The following PCSK5 variants were observed in gnomAD, a reference collection of about 807,000 sequenced individuals.
PCSK5 encodes proprotein convertase subtilisin/kexin type 5.
Under a neutral mutation model 233.2 loss-of-function variants are expected in PCSK5, and 129 were observed. The observed-to-expected ratio is 0.55, with a 90% CI of 0.48 to 0.64. PCSK5 has a LOEUF of 0.64. Among genes scored for constraint, PCSK5 ranks in the 30% least tolerant of loss-of-function variants. The pLI is 0.00. For missense variants in PCSK5, 2,076 were observed against 2,430.1 expected (o/e 0.85, Z 3.06); for synonymous variants, 825 against 879.2 (o/e 0.94, Z 1.09).
intron 2 of PCSK5, among the ~76,000 whole-genome samples, chr9:75,978,496 C>T (rs1022658726): frequency 6.6e-6 from 1 of 152,176 alleles, no homozygotes; most frequent in Non-Finnish European, 1.5e-5. Context: ...TGGTAGTCCT[C>T]TACCATGAAC....
At chr9:76,342,383 T>A (rs372824966) in intron 35 of PCSK5, among the ~76,000 whole-genome samples, 6 of 151,422 alleles carry the variant, frequency 4.0e-5, no homozygotes, top group South Asian at 2.1e-4. Context: ...TCTAATCCTC[T>A]TTTTTTTTCC....
chr9:76,273,000 G>A (rs190976720), intron 24 of PCSK5, among the ~76,000 whole-genome samples: 282 of 151,648 alleles, frequency 1.9e-3, no homozygotes, highest in African/African-American at 5.9e-3. Flanking sequence ...TTTTTAAGAC[G>A]GGGGCAACTA....
chr9:76,168,158 GTTTA>G (rs1266818724), intron 12 of PCSK5, among the ~76,000 whole-genome samples: 1 of 152,064 alleles, frequency 6.6e-6, no homozygotes, highest in Non-Finnish European at 1.5e-5. Context: ...TAAGTGATGT[GTTTA>G]TTTATTTGAG....
At chr9:76,154,423 G>A (rs1823799248) in intron 10 of PCSK5, among the ~76,000 whole-genome samples, 1 of 152,124 alleles carries the variant, frequency 6.6e-6, no homozygotes, top group Admixed American at 6.5e-5. Flanking sequence ...TGGTTGTTAG[G>A]TGGACAGTTC....
intron 5 of PCSK5, among the ~76,000 whole-genome samples, chr9:76,041,616 C>T (rs771729179): frequency 5.9e-5 from 9 of 151,856 alleles, no homozygotes; most frequent in South Asian, 4.2e-4. Context: ...CCAAGGCGGG[C>T]GGATCACGAG....
intron 3 of PCSK5, among the ~76,000 whole-genome samples, chr9:76,000,434 C>T (rs1214103244): frequency 6.6e-6 from 1 of 152,120 alleles, no homozygotes; most frequent in African/African-American, 2.4e-5. Context: ...TAGCAGCTGC[C>T]ATCACCTAGA....
intron 10 of PCSK5, among the ~76,000 whole-genome samples, chr9:76,145,928 T>G (rs543358134): frequency 1.3e-5 from 2 of 152,330 alleles, no homozygotes; most frequent in African/African-American, 4.8e-5. Context: ...GTTCTATGCA[T>G]GACTTCCAAG....
intron 1 of PCSK5, among the ~76,000 whole-genome samples, chr9:75,900,056 C>T (rs969652674): frequency 2.0e-5 from 3 of 152,160 alleles, no homozygotes; most frequent in African/African-American, 7.2e-5. Flanking sequence ...AGTAGAGAAA[C>T]GGAGTACAAC....
intron 2 of PCSK5, 82 bp downstream of exon 2, chr9:75,932,565 C>A (rs905151468): frequency 2.4e-6 from 2 of 819,760 alleles, no homozygotes; most frequent in Non-Finnish European, 4.2e-6. Context: ...GGGCTGAGGA[C>A]CAGCATGAAG....
chr9:76,044,712 A>C (rs1409217711), intron 5 of PCSK5, among the ~76,000 whole-genome samples: 1 of 152,206 alleles, frequency 6.6e-6, no homozygotes, highest in South Asian at 2.1e-4. Context: ...AAGTTAAATG[A>C]ATTATTGACA....
chr9:76,222,069 T>C (rs10869736), intron 20 of PCSK5, among the ~76,000 whole-genome samples: 41,963 of 152,116 alleles, frequency 0.28, 6,849 homozygotes, highest in East Asian at 0.66. Flanking sequence ...CTGTCTTTAG[T>C]GCATCCTTGA....
intron 1 of PCSK5, among the ~76,000 whole-genome samples, chr9:75,921,540 A>G (rs1823259660): frequency 6.6e-6 from 1 of 151,962 alleles, no homozygotes; most frequent in Non-Finnish European, 1.5e-5. Context: ...TCTTTCTCTC[A>G]GCCTCTCTTG....
chr9:75,894,045 G>A (rs1168191282), intron 1 of PCSK5, among the ~76,000 whole-genome samples: 1 of 152,174 alleles, frequency 6.6e-6, no homozygotes, highest in Non-Finnish European at 1.5e-5. Flanking sequence ...ACCAGCTGTG[G>A]ATCAGCTGAG....
At position 76,184,665 on chromosome 9, in the gene PCSK5, T is replaced by G; in HGVS notation, c.2198-8T>G. The stretch of plus-strand genomic sequence containing the variant: ...AACTGATTTACAACTTTCTCTTTTT[T>G]TTAACAGAGAAAAATCTTTGCCGGA... On this transcript the variant is annotated splice_polypyrimidine_tract_variant and splice_region_variant and intron_variant, in intron 16 of 37. Coordinates refer to ENST00000674117, the MANE Select transcript of PCSK5 (RefSeq NM_001372043.1). The G allele has an allele frequency of 6.3e-7, 1 of 1,589,316 alleles. No homozygotes were observed. The highest frequency in any genetic ancestry group is 8.6e-7 in the Non-Finnish European group (1 of 1,159,944).
At chr9:76,097,767 G>A (rs1054816361) in intron 8 of PCSK5, among the ~76,000 whole-genome samples, 4 of 152,212 alleles carry the variant, frequency 2.6e-5, no homozygotes, top group South Asian at 2.1e-4. Flanking sequence ...CACAGTACCC[G>A]GCCCTTCAGT....
Position 76,206,748 on chromosome 9 carries a change from G to C in PCSK5, c.2626+17002G>C, listed in dbSNP as rs1194127506. ...AAACCACACAGCTAATAATGGCAGA[G>C]CTCCAGAGTTAGGACAATGCACCTG... is the stretch of plus-strand genomic sequence containing the variant. On this transcript the variant is annotated intron_variant, in intron 20 of 37. Coordinates refer to ENST00000674117, the MANE Select transcript of PCSK5 (RefSeq NM_001372043.1). 2.0e-5 allele frequency among the ~76,000 whole-genome samples: 3 copies of C among 152,316 alleles called. No individual in the cohort carries two copies. The East Asian group carries it at 5.8e-4, about 29-fold the overall frequency.
At chr9:76,051,981 T>A (rs1446778461) in intron 5 of PCSK5, among the ~76,000 whole-genome samples, 1 of 152,202 alleles carries the variant, frequency 6.6e-6, no homozygotes, top group Non-Finnish European at 1.5e-5. Context: ...AACTAGGGGC[T>A]GCAGACAGAC....
chr9:76,052,544 CCT>C (rs1034569676), intron 5 of PCSK5, among the ~76,000 whole-genome samples: 3 of 152,246 alleles, frequency 2.0e-5, no homozygotes, highest in Non-Finnish European at 4.4e-5. Flanking sequence ...AAATCCACCC[CCT>C]GATTCAATTA....
intron 9 of PCSK5, among the ~76,000 whole-genome samples, chr9:76,111,883 GA>G (rs1470493089): frequency 4.6e-5 from 7 of 151,864 alleles, no homozygotes; most frequent in Admixed American, 4.6e-4. Context: ...CTATCAGGGG[GA>G]AAAAAATAAA....
Sources: gnomAD v4.1 joint callset for allele counts (sites outside exome capture counted in the v4.1 genomes callset) on GRCh38, gnomAD v4.1.1 for gene constraint, MANE v1.5 for transcripts, NCBI Gene and HGNC (gene_info 2026-07-23, HGNC 2026-07-21) for gene names.